RASSF9: variants seen among roughly 807,000 people sequenced by gnomAD.
RASSF9 encodes ras association domain-containing protein 9.
RASSF9 carries 18 observed loss-of-function variants against 21.4 expected under a neutral mutation model. That is an observed-to-expected ratio of 0.84 (90% confidence interval 0.58 to 1.25). The LOEUF (loss-of-function observed/expected upper bound fraction) is 1.25. Ranked by LOEUF, RASSF9 falls within the 50% of genes most tolerant of loss-of-function variation. The pLI is 0.00. For missense variants in RASSF9, 480 were observed against 503.2 expected (o/e 0.95, Z 0.44); for synonymous variants, 183 against 179.1 (o/e 1.02, Z -0.18).
intron 1 of RASSF9, among the ~76,000 whole-genome samples, chr12:85,816,760 T>C (rs570009592): frequency 6.6e-6 from 1 of 152,258 alleles, no homozygotes; most frequent in Non-Finnish European, 1.5e-5. Flanking sequence ...AACTTTTCCA[T>C]AAAAATTAAA....
chr12:85,808,977 C>T (rs536252648), intron 1 of RASSF9, among the ~76,000 whole-genome samples: 1 of 152,148 alleles, frequency 6.6e-6, no homozygotes, highest in East Asian at 1.9e-4. Context: ...AAGATAGTAA[C>T]TATCAATCAT....
chr12:85,834,408 T>TA (rs1168338047), intron 1 of RASSF9, among the ~76,000 whole-genome samples: 1 of 152,064 alleles, frequency 6.6e-6, no homozygotes, highest in Non-Finnish European at 1.5e-5. Context: ...AGAAAACTTT[T>TA]AAAAAATGTT....
At chr12:85,817,083 G>A (rs2136556171) in intron 1 of RASSF9, among the ~76,000 whole-genome samples, 1 of 152,064 alleles carries the variant, frequency 6.6e-6, no homozygotes, top group East Asian at 1.9e-4. Context: ...AATTCATACT[G>A]CTTTGAATGA....
At position 85,832,188 on chromosome 12, in the gene RASSF9, C is replaced by T. The variant is rs185061671; in HGVS notation, c.47+3967G>A. ...TTTTAAGTGCCCTTTAAACTGGATT[C>T]AATATTTTTATATTCATTATTTTTT... On this transcript the variant is annotated intron_variant, in intron 1 of 1. Transcript: ENST00000361228. 1.4e-4 allele frequency among the ~76,000 whole-genome samples: 22 copies of T among 151,860 alleles called. 1 individual carries two copies. In the East Asian group the frequency reaches 4.3e-3, roughly 29 times the overall value.
At position 85,836,250 on chromosome 12, in the gene RASSF9, G is replaced by A; in HGVS notation, c.-49C>T. On this transcript the variant is annotated 5_prime_UTR_variant, in exon 1 of 2. Coordinates refer to ENST00000361228, the MANE Select transcript of RASSF9 (RefSeq NM_005447.4). ...GAAATTATCTTAAAGTGATCTGAGG[G>A]TGGGGGTGGGGGTGTCTGGATTTCC... The A allele has an allele frequency of 6.7e-7, 1 of 1,496,202 alleles. No individual in the cohort carries two copies. The highest frequency in any genetic ancestry group is 9.1e-7 in the Non-Finnish European group (1 of 1,099,240). The allele number at this position is 1,496,202 out of a possible 1,614,324, so 92.7% of individuals were successfully genotyped here.
At chr12:85,832,889 C>A (rs909280877) in intron 1 of RASSF9, among the ~76,000 whole-genome samples, 1 of 151,866 alleles carries the variant, frequency 6.6e-6, no homozygotes, top group African/African-American at 2.4e-5. Context: ...TTAAACATTA[C>A]TACAATTAGA....
In RASSF9 at chr12:85,802,929, T is replaced by A. The variant is rs2136547205; in HGVS notation, c.*1773A>T. The A allele has an allele frequency of 6.6e-6, 1 of 152,270 alleles. No individual in the cohort carries two copies. The highest frequency in any genetic ancestry group is 2.4e-5 in the African/African-American group (1 of 41,564). The allele number at this position is 152,270 out of a possible 1,614,324, so 9.4% of individuals were successfully genotyped here. Reference sequence around the variant, plus strand: ...TGCCAGAATTATTACTCTTTATCACTGTATTTTTCCATAGAATGGAAATTT... The same window carrying A: ...TGCCAGAATTATTACTCTTTATCACAGTATTTTTCCATAGAATGGAAATTT... On this transcript the variant is annotated 3_prime_UTR_variant, in exon 2 of 2. Transcript: ENST00000361228.
chr12:85,816,438 C>A (rs1329894483), intron 1 of RASSF9, among the ~76,000 whole-genome samples: 1 of 151,796 alleles, frequency 6.6e-6, no homozygotes, highest in Non-Finnish European at 1.5e-5. Flanking sequence ...CCGAAATTTT[C>A]TTTCCACAGA....
At chr12:85,825,059 G>A (rs1880300976) in intron 1 of RASSF9, among the ~76,000 whole-genome samples, 1 of 152,136 alleles carries the variant, frequency 6.6e-6, no homozygotes, top group South Asian at 2.1e-4. Context: ...CTGGAGTACA[G>A]TGGTGCGATC....
intron 1 of RASSF9, among the ~76,000 whole-genome samples, chr12:85,812,418 T>C (rs1879973069): frequency 6.6e-6 from 1 of 151,260 alleles, no homozygotes; most frequent in African/African-American, 2.4e-5. Context: ...AGAAATGTTT[T>C]AAAGTTCATA....
intron 1 of RASSF9, among the ~76,000 whole-genome samples, chr12:85,815,327 C>A (rs1249605623): frequency 6.6e-6 from 1 of 152,068 alleles, no homozygotes; most frequent in African/African-American, 2.4e-5. Flanking sequence ...ATTCTGGAAT[C>A]TAATATGGTC....
intron 1 of RASSF9, 36 bp downstream of exon 1, chr12:85,836,119 A>G (rs1248883832): frequency 6.4e-7 from 1 of 1,551,108 alleles, no homozygotes; most frequent in Non-Finnish European, 8.7e-7. Flanking sequence ...ACACACACAG[A>G]GACACACACA....
At chr12:85,814,696 C>G (rs1880023932) in intron 1 of RASSF9, among the ~76,000 whole-genome samples, 1 of 151,720 alleles carries the variant, frequency 6.6e-6, no homozygotes, top group Admixed American at 6.6e-5. Flanking sequence ...CATCATCAAC[C>G]TTTATGCTTG....
intron 1 of RASSF9, among the ~76,000 whole-genome samples, chr12:85,824,678 T>C (rs965284615): frequency 3.3e-5 from 5 of 152,298 alleles, no homozygotes; most frequent in South Asian, 4.1e-4. Context: ...CTCCTCTAAC[T>C]CATAGCCAAG....
At chr12:85,825,387 G>A (rs73383709) in intron 1 of RASSF9, among the ~76,000 whole-genome samples, 8,018 of 152,028 alleles carry the variant, frequency 0.053, 458 homozygotes, top group African/African-American at 0.14. Context: ...GGGAGTTTTA[G>A]GGAGATATAT....
chr12:85,823,945 A>T (rs1222235595), intron 1 of RASSF9, among the ~76,000 whole-genome samples: 1 of 152,152 alleles, frequency 6.6e-6, no homozygotes, highest in African/African-American at 2.4e-5. Context: ...AAGTGATACA[A>T]TTGGCATCCC....
chr12:85,807,749 C>G (rs1253515897), intron 1 of RASSF9, among the ~76,000 whole-genome samples: 1 of 151,994 alleles, frequency 6.6e-6, no homozygotes, highest in African/African-American at 2.4e-5. Flanking sequence ...CACTTCAGTT[C>G]TCTGGAGAAA....
At chr12:85,811,509 T>C (rs1879952959) in intron 1 of RASSF9, among the ~76,000 whole-genome samples, 1 of 151,898 alleles carries the variant, frequency 6.6e-6, no homozygotes, top group Admixed American at 6.6e-5. Flanking sequence ...TGTTACATTA[T>C]AGAGGAAAAG....
At chr12:85,809,642 T>C (rs1449302466) in intron 1 of RASSF9, among the ~76,000 whole-genome samples, 3 of 151,324 alleles carry the variant, frequency 2.0e-5, no homozygotes, top group Non-Finnish European at 3.0e-5. Flanking sequence ...TGAGCATATA[T>C]TCATTTTTAA....
Sources: gnomAD v4.1 joint callset for allele counts (sites outside exome capture counted in the v4.1 genomes callset) on GRCh38, gnomAD v4.1.1 for gene constraint, MANE v1.5 for transcripts, NCBI Gene and HGNC (gene_info 2026-07-23, HGNC 2026-07-21) for gene names.